The following GPM6A variants were observed in gnomAD, a reference collection of about 807,000 sequenced individuals.
GPM6A encodes the protein glycoprotein M6A, also known as neuronal membrane glycoprotein M6-a.
In GPM6A, 7 loss-of-function variants were observed where a neutral mutation model predicts 32.1. The observed-to-expected ratio is 0.22, with a 90% CI of 0.12 to 0.41. The LOEUF (loss-of-function observed/expected upper bound fraction) is 0.41. GPM6A is among the 10% of genes least tolerant of loss of function. GPM6A has a pLI of 1.00. For synonymous variants in GPM6A, 130 were observed against 123.4 expected (o/e 1.05, Z -0.35); for missense variants, 235 against 347.2 (o/e 0.68, Z 2.57).
chr4:175,639,131 CAT>C lies in GPM6A; in HGVS notation c.684+996_684+997del, dbSNP rs1399897135. ...CATCAAAAATTCATGTTAGTACTGA[CAT>C]AGTTTTATTGAATATATATGTAAGT... is the stretch of plus-strand genomic sequence containing the variant. On this transcript the variant is annotated intron_variant, in intron 6 of 6. Coordinates refer to ENST00000393658, the MANE Select transcript of GPM6A (RefSeq NM_201591.3). Among the ~76,000 whole-genome samples the C allele has an allele frequency of 3.3e-4, 50 of 152,156 alleles. 1 individual carries two copies. Among genetic ancestry groups the C allele is most frequent in the African/African-American group, 1.2e-3 (49 of 41,514 alleles).
At chr4:175,754,984 C>A (rs1231790174) in intron 1 of GPM6A, among the ~76,000 whole-genome samples, 2 of 152,086 alleles carry the variant, frequency 1.3e-5, no homozygotes, top group South Asian at 4.2e-4. Flanking sequence ...CACACGCACA[C>A]AATTACACAT....
At chr4:175,953,017 A>G (rs1019699347) in intron 1 of GPM6A, among the ~76,000 whole-genome samples, 14 of 135,732 alleles carry the variant, frequency 1.0e-4, no homozygotes, top group African/African-American at 3.5e-4. Context: ...GCGACAGAAC[A>G]AGACCCTGTT....
At chr4:175,867,656 C>A (rs1374384668) in intron 1 of GPM6A, among the ~76,000 whole-genome samples, 2 of 152,130 alleles carry the variant, frequency 1.3e-5, no homozygotes, top group Non-Finnish European at 2.9e-5. Flanking sequence ...CTGATCTATT[C>A]TTTAGCCAAT....
chr4:175,672,785 A>G (rs1743157046), intron 3 of GPM6A, among the ~76,000 whole-genome samples: 2 of 152,228 alleles, frequency 1.3e-5, no homozygotes, highest in Non-Finnish European at 2.9e-5. Flanking sequence ...AGAGACCACT[A>G]CAAATACCCA....
At chr4:175,764,983 C>T (rs966750073) in intron 1 of GPM6A, among the ~76,000 whole-genome samples, 1 of 151,844 alleles carries the variant, frequency 6.6e-6, no homozygotes, top group Non-Finnish European at 1.5e-5. Flanking sequence ...AAGTGATTCT[C>T]CTGCCTCAGC....
At chr4:175,832,142 A>G (rs17062115) in intron 1 of GPM6A, among the ~76,000 whole-genome samples, 10,042 of 148,932 alleles carry the variant, frequency 0.067, 1,056 homozygotes, top group African/African-American at 0.23. Context: ...TTGGTTCTTA[A>G]AATTCTGGCT....
chr4:175,636,857 A>G (rs1740648431), intron 6 of GPM6A, among the ~76,000 whole-genome samples: 1 of 143,900 alleles, frequency 6.9e-6, no homozygotes, highest in Non-Finnish European at 1.5e-5. Context: ...TTTTTATATT[A>G]TATATATTTT....
intron 1 of GPM6A, among the ~76,000 whole-genome samples, chr4:175,950,976 CT>C (rs1003650879): frequency 1.6e-4 from 25 of 152,340 alleles, no homozygotes; most frequent in African/African-American, 2.2e-4. Context: ...ATTTGTAAGA[CT>C]TTTTTTTTTC....
chr4:175,930,812 T>C (rs1169823392), intron 1 of GPM6A, among the ~76,000 whole-genome samples: 1 of 152,122 alleles, frequency 6.6e-6, no homozygotes, highest in African/African-American at 2.4e-5. Context: ...TATTACATAA[T>C]TTTGGCACAA....
At chr4:175,748,772 T>C (rs1732203861) in intron 1 of GPM6A, among the ~76,000 whole-genome samples, 2 of 152,192 alleles carry the variant, frequency 1.3e-5, no homozygotes, top group Admixed American at 1.3e-4. Flanking sequence ...TCTACAGCTA[T>C]GAAAGTCCTA....
intron 1 of GPM6A, among the ~76,000 whole-genome samples, chr4:175,942,706 C>T (rs985075239): frequency 6.6e-6 from 1 of 152,086 alleles, no homozygotes; most frequent in Non-Finnish European, 1.5e-5. Flanking sequence ...GGCGTTATTT[C>T]TGAGGGCTCT....
intron 1 of GPM6A, among the ~76,000 whole-genome samples, chr4:175,718,237 T>C (rs1745939746): frequency 6.6e-6 from 1 of 152,208 alleles, no homozygotes; most frequent in African/African-American, 2.4e-5. Context: ...TAATCAAAAA[T>C]ATTTTCATTT....
In GPM6A at chr4:175,721,532, G is replaced by T. The variant is rs560851386; in HGVS notation, c.38-19765C>A. ...CAACTTCATTAAGAGGTGGTAAGGG[G>T]CGAAGGACTGGTTTTATTATCTGTA... On this transcript the variant is annotated intron_variant, in intron 1 of 6. Coordinates refer to ENST00000393658, the MANE Select transcript of GPM6A (RefSeq NM_201591.3). Among the ~76,000 whole-genome samples the T allele has an allele frequency of 5.3e-5, 8 of 152,146 alleles. No individual in the cohort carries two copies. The East Asian group carries it at 1.2e-3, about 22-fold the overall frequency.
intron 1 of GPM6A, among the ~76,000 whole-genome samples, chr4:175,862,398 A>G (rs1214904913): frequency 6.6e-6 from 1 of 152,214 alleles, no homozygotes; most frequent in African/African-American, 2.4e-5. Context: ...TACACTATTA[A>G]TACATTCTTT....
chr4:175,639,993 T>C, intron 6 of GPM6A, 136 bp downstream of exon 6: 1 of 762,962 alleles, frequency 1.3e-6, no homozygotes, highest in Non-Finnish European at 2.4e-6. Context: ...CCCATTGTTT[T>C]CCCTACTTTT....
chr4:175,877,747 C>T (rs1737131669), intron 1 of GPM6A, among the ~76,000 whole-genome samples: 1 of 152,158 alleles, frequency 6.6e-6, no homozygotes, highest in African/African-American at 2.4e-5. Flanking sequence ...CCGGCCCCTC[C>T]CAAATCTTAT....
chr4:175,738,377 A>G (rs1192606035), intron 1 of GPM6A, among the ~76,000 whole-genome samples: 3 of 152,150 alleles, frequency 2.0e-5, no homozygotes, highest in Non-Finnish European at 4.4e-5. Flanking sequence ...AGAACTCTTC[A>G]GAAAATGTCA....
intron 3 of GPM6A, among the ~76,000 whole-genome samples, chr4:175,670,696 A>C (rs1009054323): frequency 3.3e-5 from 5 of 152,096 alleles, no homozygotes; most frequent in Admixed American, 2.6e-4. Flanking sequence ...CAAATTCTGG[A>C]TTTTGAATGA....
At chr4:175,663,745 G>C (rs1742570433) in intron 3 of GPM6A, among the ~76,000 whole-genome samples, 1 of 148,718 alleles carries the variant, frequency 6.7e-6, no homozygotes. Flanking sequence ...CCAGGCTGGA[G>C]TGCAGTGGCG....
Sources: allele counts gnomAD v4.1 joint callset (sites outside exome capture counted in the v4.1 genomes callset), GRCh38; gene constraint gnomAD v4.1.1; transcripts MANE v1.5; gene names NCBI Gene and HGNC (gene_info 2026-07-23, HGNC 2026-07-21).